Variants in UNC80 observed in about 807,000 individuals in gnomAD.
UNC80 encodes protein unc-80 homolog.
UNC80 carries 164 observed loss-of-function variants against 384.6 expected under a neutral mutation model. The ratio of observed to expected loss-of-function variants is 0.43; its 90% CI spans 0.38 to 0.49. The LOEUF is 0.49. UNC80 is among the 20% of genes least tolerant of loss of function. The pLI is 0.00. For synonymous variants in UNC80, 1,486 were observed against 1,527.8 expected (o/e 0.97, Z 0.64); for missense variants, 3,330 against 4,143.0 (o/e 0.80, Z 5.39).
intron 47 of UNC80, among the ~76,000 whole-genome samples, chr2:209,953,416 CAAAAAAAAAAA>C (rs543990253): frequency 9.4e-5 from 4 of 42,444 alleles, no homozygotes; most frequent in South Asian, 8.3e-4. Flanking sequence ...AAGACTCTGT[CAAAAAAAAAAA>C]AAAAAAAAAA....
intron 64 of UNC80, among the ~76,000 whole-genome samples, 191 bp downstream of exon 64, chr2:209,994,455 A>C (rs2093449104): frequency 6.6e-6 from 1 of 152,234 alleles, no homozygotes; most frequent in Non-Finnish European, 1.5e-5. Flanking sequence ...TATCTGCTTA[A>C]GAAGGACCAA....
chr2:209,778,235 T>G (rs569877941), intron 4 of UNC80, among the ~76,000 whole-genome samples: 36 of 152,170 alleles, frequency 2.4e-4, no homozygotes, highest in Admixed American at 9.2e-4. Flanking sequence ...AAACTCCATC[T>G]CTAATGAAAA....
At chr2:209,918,382 C>G (rs2089736488) in intron 32 of UNC80, 150 bp from the exon 33 acceptor site, 1 of 905,090 alleles carries the variant, frequency 1.1e-6, no homozygotes, top group Non-Finnish European at 1.6e-6. Context: ...AAAATCTTGG[C>G]AAATAGCCCT....
intron 31 of UNC80, 72 bp downstream of exon 31, chr2:209,914,012 A>C: frequency 1.4e-6 from 2 of 1,459,792 alleles, no homozygotes; most frequent in South Asian, 1.4e-5. Context: ...TAAATAAGAG[A>C]GGTGTTTCCA....
At chr2:209,937,708 T>C in intron 42 of UNC80, 78 bp downstream of exon 42, 1 of 1,077,552 alleles carries the variant, frequency 9.3e-7, no homozygotes, top group South Asian at 1.4e-5. Context: ...TTGCCAACTT[T>C]GAGATTTTAT....
At chr2:209,889,888 G>C (rs2086169362) in intron 26 of UNC80, among the ~76,000 whole-genome samples, 1 of 151,908 alleles carries the variant, frequency 6.6e-6, no homozygotes, top group Admixed American at 6.6e-5. Context: ...TTTTTGTATT[G>C]TTAGTAGAGA....
intron 35 of UNC80, among the ~76,000 whole-genome samples, chr2:209,926,389 T>C (rs2090438400): frequency 6.6e-6 from 1 of 152,254 alleles, no homozygotes; most frequent in Non-Finnish European, 1.5e-5. Context: ...GCACTTTGTG[T>C]AACGTAATCT....
chr2:209,784,635 AT>A lies in UNC80; in HGVS notation c.601-1430del, dbSNP rs2077324979. Among the ~76,000 whole-genome samples, 7 of 152,262 alleles carry A rather than the reference AT, an allele frequency of 4.6e-5. No homozygotes were observed. In the South Asian group the frequency reaches 1.5e-3, roughly 32 times the overall value. On this transcript the variant is annotated intron_variant, in intron 4 of 64. Transcript: ENST00000673920. ...ACTTTACTCAAAAGTCACTTTCTCA[AT>A]AAGGCTTCACCTGATCCTCTGGTCT...
chr2:209,772,183 G>T lies in UNC80; in HGVS notation c.92+19G>T. ...AAACCAGGTGAGGGGCGCAGAGGGC[G>T]CACCGCGGGCCGCCCTGGGCTGGGG... On this transcript the variant is annotated intron_variant, in intron 1 of 64. Coordinates refer to ENST00000673920, the MANE Select transcript of UNC80 (RefSeq NM_001371986.1). The T allele has an allele frequency of 1.3e-6, 2 of 1,523,464 alleles. No individual in the cohort carries two copies. The highest frequency in any genetic ancestry group is 1.8e-6 in the Non-Finnish European group (2 of 1,132,378). 94.4% of individuals were successfully genotyped at this position (1,523,464 alleles called of 1,614,324 possible).
At chr2:209,815,118 A>G in intron 8 of UNC80, 139 bp from the exon 9 acceptor site, 2 of 746,858 alleles carry the variant, frequency 2.7e-6, no homozygotes, top group Non-Finnish European at 2.0e-6. Flanking sequence ...TTTGGATTCC[A>G]GAAGTCCAGA....
chr2:209,943,431 G>A lies in UNC80; in HGVS notation c.6967G>A (p.Ala2323Thr), dbSNP rs2091750259. ...NPQLRQAIEF[A>T]CHQFYILHRK... Reference sequence around the variant, plus strand: ...CCAGCTGCGTCAAGCCATCGAATTTGCCTGTCACCAGTTCTATATTCTACA... The same window carrying A: ...CCAGCTGCGTCAAGCCATCGAATTTACCTGTCACCAGTTCTATATTCTACA... Residue 2323 changes from alanine (A) to threonine (T), a missense_variant, in exon 45 of 65, where the codon GCC becomes ACC. Transcript: ENST00000673920. 6.4e-7 allele frequency: 1 copy of A among 1,552,094 alleles called. No individual in the cohort carries two copies. Among genetic ancestry groups the A allele is most frequent in the East Asian group, 2.4e-5 (1 of 40,922 alleles).
At position 209,775,108 on chromosome 2, in the gene UNC80, T is replaced by C. The variant is rs116808157; in HGVS notation, c.142-781T>C. ...TCCAATATTTCGTAACTACATTTTCTCCAACACCTTACAGTGATATTCTCT... is the reference window on the plus strand; with the variant it reads ...TCCAATATTTCGTAACTACATTTTCCCCAACACCTTACAGTGATATTCTCT... On this transcript the variant is annotated intron_variant, in intron 2 of 64. Coordinates refer to ENST00000673920, the MANE Select transcript of UNC80 (RefSeq NM_001371986.1). 3.0e-3 allele frequency among the ~76,000 whole-genome samples: 455 copies of C among 152,306 alleles called. 2 individuals are homozygous for C. Among genetic ancestry groups the C allele is most frequent in the African/African-American group, 0.01 (430 of 41,572 alleles).
chr2:209,848,469 G>A (rs550222803), intron 21 of UNC80, among the ~76,000 whole-genome samples: 8 of 152,040 alleles, frequency 5.3e-5, no homozygotes, highest in Admixed American at 2.0e-4. Context: ...GTGTTCAAAC[G>A]TAGGCAAAAA....
intron 13 of UNC80, among the ~76,000 whole-genome samples, chr2:209,821,162 T>C (rs2080108586): frequency 7.5e-6 from 1 of 133,150 alleles, no homozygotes; most frequent in Admixed American, 8.0e-5. Flanking sequence ...TGAAGCCTCT[T>C]CTCTTGCCTT....
chr2:209,808,563 C>G (rs2079069597), intron 7 of UNC80, among the ~76,000 whole-genome samples: 1 of 151,450 alleles, frequency 6.6e-6, no homozygotes, highest in African/African-American at 2.4e-5. Context: ...GCCCAGGCTG[C>G]TACTGCGCGA....
At chr2:209,837,423 T>TA (rs1400850569) in intron 18 of UNC80, among the ~76,000 whole-genome samples, 1 of 152,190 alleles carries the variant, frequency 6.6e-6, no homozygotes, top group Non-Finnish European at 1.5e-5. Flanking sequence ...CAACTAGAGA[T>TA]AACCTCTGTA....
At chr2:209,916,579 C>T (rs142739739) in intron 31 of UNC80, among the ~76,000 whole-genome samples, 1 of 152,046 alleles carries the variant, frequency 6.6e-6, no homozygotes, top group Non-Finnish European at 1.5e-5. Flanking sequence ...GAGACTTAAA[C>T]ACCTAGTAGG....
intron 28 of UNC80, among the ~76,000 whole-genome samples, 197 bp from the exon 29 acceptor site, chr2:209,904,568 G>A (rs2087942714): frequency 6.6e-6 from 1 of 152,338 alleles, no homozygotes. Flanking sequence ...CTTCTATCAA[G>A]TATGAATGGG....
chr2:209,984,980 G>T, intron 61 of UNC80, 68 bp downstream of exon 61: 1 of 1,334,468 alleles, frequency 7.5e-7, no homozygotes, highest in Non-Finnish European at 1.0e-6. Context: ...TGTCTCCTCT[G>T]TCTCTCTGTC....
Sources: allele counts gnomAD v4.1 joint callset (sites outside exome capture counted in the v4.1 genomes callset), GRCh38; gene constraint gnomAD v4.1.1; transcripts MANE v1.5; gene names NCBI Gene and HGNC (gene_info 2026-07-23, HGNC 2026-07-21).